The following TSPAN15 variants were observed in gnomAD, a reference collection of about 807,000 sequenced individuals.
TSPAN15 encodes tetraspanin-15.
In TSPAN15, 20 loss-of-function variants were observed where a neutral mutation model predicts 34.5. That is an observed-to-expected ratio of 0.58 (90% confidence interval 0.41 to 0.84). The LOEUF (loss-of-function observed/expected upper bound fraction) is 0.84. Ranked by LOEUF, TSPAN15 falls within the 40% of genes least tolerant of loss-of-function variation. The probability of loss-of-function intolerance (pLI) is 0.00; values close to 1 mark genes in which losing one functional copy is unlikely to be tolerated. For missense variants in TSPAN15, 313 were observed against 386.1 expected (o/e 0.81, Z 1.59); for synonymous variants, 155 against 153.9 (o/e 1.01, Z -0.05).
chr10:69,530,184 G>T, the TSPAN15 span, among the ~76,000 whole-genome samples: 12 of 147,664 alleles, frequency 8.1e-5, 1 homozygote, highest in African/African-American at 3.0e-4. Context: ...GAAAATTGAA[G>T]GTTCCTATGC....
At chr10:69,547,431 C>T in the TSPAN15 span, among the ~76,000 whole-genome samples, 4 of 152,210 alleles carry the variant, frequency 2.6e-5, no homozygotes, top group Non-Finnish European at 5.9e-5. Flanking sequence ...TGGCCCTGCA[C>T]TCTGGAGGAT....
intron 5 of TSPAN15, among the ~76,000 whole-genome samples, chr10:69,502,191 G>T (rs1383091636): frequency 1.3e-5 from 2 of 152,176 alleles, no homozygotes; most frequent in Non-Finnish European, 2.9e-5. Flanking sequence ...AGCTTTAAAA[G>T]AAATGTCTTA....
At position 69,494,744 on chromosome 10, in the gene TSPAN15, C is replaced by T. The variant is rs1190465162; in HGVS notation, c.358-850C>T. 28 of 985,274 alleles carry T rather than the reference C, an allele frequency of 2.8e-5. No homozygotes were observed. In the East Asian group the frequency reaches 3.4e-4, roughly 12 times the overall value. The allele number at this position is 985,274 out of a possible 1,614,324, so 61.0% of individuals were successfully genotyped here. On this transcript the variant is annotated intron_variant, in intron 3 of 7. Coordinates refer to ENST00000373290, the MANE Select transcript of TSPAN15 (RefSeq NM_012339.5). ...ATTGTCTGGCTCTTCAGTCTGGCAC[C>T]GGAGCCGAGAATGCCCCCTTCGTCC... is the stretch of plus-strand genomic sequence containing the variant.
At chr10:69,461,555 G>A (rs1375353370) in intron 1 of TSPAN15, among the ~76,000 whole-genome samples, 3 of 152,212 alleles carry the variant, frequency 2.0e-5, no homozygotes, top group Non-Finnish European at 4.4e-5. Context: ...TCCTACCAGA[G>A]GGTTGGCCAT....
the TSPAN15 span, among the ~76,000 whole-genome samples, chr10:69,534,573 A>G: frequency 6.6e-6 from 1 of 152,220 alleles, no homozygotes; most frequent in Non-Finnish European, 1.5e-5. Context: ...ACAATGTGGA[A>G]AAAAGCAAAT....
chr10:69,540,832 G>A, the TSPAN15 span, among the ~76,000 whole-genome samples: 6 of 151,964 alleles, frequency 3.9e-5, no homozygotes, highest in Admixed American at 6.6e-5. Context: ...TGGGAGGGGC[G>A]AGGTCTTGGA....
the TSPAN15 span, among the ~76,000 whole-genome samples, chr10:69,532,229 C>T: frequency 1.3e-5 from 2 of 152,192 alleles, no homozygotes; most frequent in Non-Finnish European, 2.9e-5. Flanking sequence ...CAAAGCAAGA[C>T]TAAGCAAAAA....
chr10:69,487,018 A>G (rs543662651), intron 3 of TSPAN15, among the ~76,000 whole-genome samples: 1 of 151,146 alleles, frequency 6.6e-6, no homozygotes, highest in African/African-American at 2.4e-5. Flanking sequence ...TCTTTATTCC[A>G]TTTGCCCATG....
At chr10:69,468,647 C>CT (rs1564601904) in intron 1 of TSPAN15, among the ~76,000 whole-genome samples, 2 of 151,822 alleles carry the variant, frequency 1.3e-5, no homozygotes, top group East Asian at 3.9e-4. Flanking sequence ...TACACCACTT[C>CT]TTTTTTTGCC....
chr10:69,488,770 AG>A (rs1351801136), intron 3 of TSPAN15, among the ~76,000 whole-genome samples: 3 of 152,212 alleles, frequency 2.0e-5, no homozygotes, highest in Non-Finnish European at 4.4e-5. Context: ...AAGGGCAAAA[AG>A]GAAAACAAAG....
At chr10:69,532,193 T>C in the TSPAN15 span, among the ~76,000 whole-genome samples, 2 of 152,098 alleles carry the variant, frequency 1.3e-5, no homozygotes, top group Non-Finnish European at 2.9e-5. Flanking sequence ...TTTTAGAATA[T>C]GGAACCAAAA....
At chr10:69,465,709 G>A (rs1275592124) in intron 1 of TSPAN15, among the ~76,000 whole-genome samples, 10 of 152,020 alleles carry the variant, frequency 6.6e-5, no homozygotes, top group African/African-American at 1.7e-4. Context: ...TCTCTCTCTC[G>A]GCAGACTTAC....
chr10:69,466,852 T>C (rs1312367665), intron 1 of TSPAN15, among the ~76,000 whole-genome samples: 1 of 152,216 alleles, frequency 6.6e-6, no homozygotes, highest in East Asian at 1.9e-4. Context: ...CAGGGTCTCC[T>C]TCGCGTGACC....
At chr10:69,488,057 G>T (rs999543080) in intron 3 of TSPAN15, among the ~76,000 whole-genome samples, 4 of 152,088 alleles carry the variant, frequency 2.6e-5, no homozygotes, top group Non-Finnish European at 4.4e-5. Flanking sequence ...GAAAAAAATA[G>T]GTCTACAAAA....
chr10:69,545,896 C>T, the TSPAN15 span, among the ~76,000 whole-genome samples: 2 of 152,158 alleles, frequency 1.3e-5, no homozygotes, highest in East Asian at 3.9e-4. Flanking sequence ...GCCAAGGTTG[C>T]TGTGAGCTGA....
At chr10:69,455,620 C>G (rs1564595642) in intron 1 of TSPAN15, among the ~76,000 whole-genome samples, 1 of 105,880 alleles carries the variant, frequency 9.4e-6, no homozygotes, top group Non-Finnish European at 2.0e-5. Context: ...CTCTCTCTCT[C>G]TCTCTCCCCC....
chr10:69,517,913 G>A, the TSPAN15 span, among the ~76,000 whole-genome samples: 5 of 152,208 alleles, frequency 3.3e-5, no homozygotes, highest in Admixed American at 3.3e-4. Context: ...AGGGAAAGGA[G>A]AACAAGAGGG....
Position 69,498,332 on chromosome 10 carries a change from A to C in TSPAN15, c.506A>C (p.His169Pro). 2 of 1,613,786 alleles carry C rather than the reference A, an allele frequency of 1.2e-6. No homozygotes were observed. Among genetic ancestry groups the C allele is most frequent in the Non-Finnish European group, 1.7e-6 (2 of 1,179,952 alleles). The stretch of plus-strand genomic sequence containing the variant: ...CGAGATTGGAGCAAGAATCAGTACC[A>C]CGACTGCAGTGCCCCTGGACCCCTG... ...DYRDWSKNQY[H>P]DCSAPGPLAC... The change falls in exon 5 of 8, where the codon CAC (histidine) becomes CCC (proline). Residue 169 changes from histidine (H) to proline (P), a missense_variant. His to Pro is a moderately conservative substitution (Grantham distance 77). Coordinates refer to ENST00000373290, the MANE Select transcript of TSPAN15 (RefSeq NM_012339.5).
intron 1 of TSPAN15, among the ~76,000 whole-genome samples, chr10:69,466,217 G>A (rs1394001177): frequency 2.6e-5 from 4 of 152,236 alleles, no homozygotes; most frequent in Non-Finnish European, 4.4e-5. Context: ...CCTGATGAGG[G>A]AGGGTGGCCT....
Sources: gnomAD v4.1 joint callset for allele counts (sites outside exome capture counted in the v4.1 genomes callset) on GRCh38, gnomAD v4.1.1 for gene constraint, MANE v1.5 for transcripts, NCBI Gene and HGNC (gene_info 2026-07-23, HGNC 2026-07-21) for gene names.